The following MACROD2 variants were observed in gnomAD, a reference collection of about 807,000 sequenced individuals.
MACROD2 encodes mono-ADP ribosylhydrolase 2.
A neutral mutation model predicts 70.4 loss-of-function variants in MACROD2; 36 were observed. The observed-to-expected ratio is 0.51, with a 90% CI of 0.39 to 0.68. The LOEUF (loss-of-function observed/expected upper bound fraction) is 0.68. Ranked by LOEUF, MACROD2 falls within the 30% of genes least tolerant of loss-of-function variation. The pLI is 0.00. For synonymous variants in MACROD2, 172 were observed against 178.8 expected (o/e 0.96, Z 0.30); for missense variants, 496 against 538.4 (o/e 0.92, Z 0.78).
intron 5 of MACROD2, among the ~76,000 whole-genome samples, chr20:14,727,058 A>G (rs2071538925): frequency 6.6e-6 from 1 of 152,180 alleles, no homozygotes; most frequent in African/African-American, 2.4e-5. Context: ...TCTAAAGTGT[A>G]TACAATTTGT....
chr20:14,462,428 A>T (rs939552033), intron 3 of MACROD2, among the ~76,000 whole-genome samples: 2 of 151,952 alleles, frequency 1.3e-5, no homozygotes, highest in Non-Finnish European at 2.9e-5. Flanking sequence ...TAGATTCTGG[A>T]TATAAGCCCT....
chr20:15,447,045 A>AGTGTGT (rs1395417856), intron 7 of MACROD2, among the ~76,000 whole-genome samples: 1 of 120,260 alleles, frequency 8.3e-6, no homozygotes, highest in African/African-American at 3.1e-5. Context: ...GGGACCTAAG[A>AGTGTGT]GTGTGCGTGT....
intron 6 of MACROD2, among the ~76,000 whole-genome samples, chr20:15,400,715 G>T (rs892506788): frequency 6.6e-6 from 1 of 152,114 alleles, no homozygotes; most frequent in Non-Finnish European, 1.5e-5. Flanking sequence ...GGCTACCTTT[G>T]GTTATTCATC....
At chr20:14,101,559 G>A (rs138783529) in intron 3 of MACROD2, among the ~76,000 whole-genome samples, 1,933 of 152,210 alleles carry the variant, frequency 0.013, 40 homozygotes, top group African/African-American at 0.044. Flanking sequence ...ATTAGAGAGA[G>A]TTTGCCTGTT....
At chr20:14,510,100 G>A (rs1252211667) in intron 4 of MACROD2, among the ~76,000 whole-genome samples, 1 of 152,082 alleles carries the variant, frequency 6.6e-6, no homozygotes, top group East Asian at 1.9e-4. Flanking sequence ...TTAGGGTACA[G>A]ACTGATTCTC....
At chr20:14,377,528 C>T (rs932854447) in intron 3 of MACROD2, among the ~76,000 whole-genome samples, 1 of 151,296 alleles carries the variant, frequency 6.6e-6, no homozygotes, top group Non-Finnish European at 1.5e-5. Flanking sequence ...CTGTGCATCC[C>T]TCTTGGCTAC....
intron 8 of MACROD2, among the ~76,000 whole-genome samples, chr20:15,842,897 A>G (rs1600982934): frequency 6.6e-6 from 1 of 152,142 alleles, no homozygotes; most frequent in South Asian, 2.1e-4. Context: ...AAGCTAGGTG[A>G]TTAACTTTTT....
intron 5 of MACROD2, among the ~76,000 whole-genome samples, chr20:14,950,284 G>A (rs1335595591): frequency 6.6e-6 from 1 of 152,062 alleles, no homozygotes; most frequent in Non-Finnish European, 1.5e-5. Context: ...TGCAGACACT[G>A]GTTGTTCATT....
intron 6 of MACROD2, among the ~76,000 whole-genome samples, chr20:15,275,738 A>G (rs933824390): frequency 1.3e-5 from 2 of 152,160 alleles, no homozygotes; most frequent in African/African-American, 4.8e-5. Context: ...GCACAAAGCT[A>G]TATCTGGCAC....
At chr20:14,667,475 A>T (rs943608259) in intron 4 of MACROD2, among the ~76,000 whole-genome samples, 3 of 152,120 alleles carry the variant, frequency 2.0e-5, no homozygotes, top group Non-Finnish European at 4.4e-5. Context: ...TTTTTCTAGG[A>T]TGAGAAAGTT....
intron 5 of MACROD2, among the ~76,000 whole-genome samples, chr20:14,870,234 G>A (rs1334658960): frequency 6.6e-6 from 1 of 152,114 alleles, no homozygotes. Flanking sequence ...AGTTTGCTAA[G>A]GATAATGGCC....
chr20:14,679,657 A>AT (rs1381811923), intron 4 of MACROD2, among the ~76,000 whole-genome samples: 3 of 152,176 alleles, frequency 2.0e-5, no homozygotes, highest in African/African-American at 7.2e-5. Context: ...ATATAGGGGT[A>AT]TTACCTTTTT....
chr20:15,508,849 C>T (rs2047462276), intron 8 of MACROD2, among the ~76,000 whole-genome samples: 1 of 152,166 alleles, frequency 6.6e-6, no homozygotes, highest in Admixed American at 6.5e-5. Context: ...TTGAAGATGT[C>T]CCAGATTTGA....
intron 4 of MACROD2, among the ~76,000 whole-genome samples, chr20:14,625,740 C>T (rs1396051049): frequency 1.3e-5 from 2 of 152,162 alleles, no homozygotes; most frequent in African/African-American, 4.8e-5. Context: ...ATATCATCAG[C>T]CCCCAGGTAT....
At chr20:15,104,086 T>G (rs2075893184) in intron 5 of MACROD2, among the ~76,000 whole-genome samples, 1 of 151,850 alleles carries the variant, frequency 6.6e-6, no homozygotes, top group African/African-American at 2.4e-5. Flanking sequence ...GTTGAAATAG[T>G]GAAGAGAAAG....
At chr20:15,168,151 C>T (rs2076398137) in intron 5 of MACROD2, among the ~76,000 whole-genome samples, 1 of 152,062 alleles carries the variant, frequency 6.6e-6, no homozygotes. Context: ...TGCTCAAAGC[C>T]TGGAGGGACT....
chr20:14,229,809 T>A (rs998657389), intron 3 of MACROD2, among the ~76,000 whole-genome samples: 1 of 152,174 alleles, frequency 6.6e-6, no homozygotes, highest in South Asian at 2.1e-4. Context: ...AAGATGTCCT[T>A]CAGTGGAAAA....
At chr20:15,298,606 A>C (rs142966096) in intron 6 of MACROD2, among the ~76,000 whole-genome samples, 47 of 152,364 alleles carry the variant, frequency 3.1e-4, no homozygotes, top group African/African-American at 1.1e-3. Flanking sequence ...TGACTTTAAA[A>C]GACTTTGAAA....
Position 13,995,850 on chromosome 20 carries a change from G to GGGGGGGGGGGGGGGGGGGTT in MACROD2, c.46+41_46+42insGGGGGGGGGGGGGGGGGGTT. On this transcript the variant is annotated intron_variant, in intron 1 of 17. Transcript: ENST00000684519. The surrounding 1 kb of genome is among the most constrained non-coding windows in gnomAD (Gnocchi z 4.3). ...AGTCCTGGGGGTGCGGGCGGTGGGGGTTAGGGTGGGGGCGGGGGTCAGGCT... is the reference window on the plus strand; with the variant it reads ...AGTCCTGGGGGTGCGGGCGGTGGGGGGGGGGGGGGGGGGGGGGGTTTTAGGGTGGGGGCGGGGGTCAGGCT... 2.0e-6 allele frequency: 1 copy of GGGGGGGGGGGGGGGGGGGTT among 505,100 alleles called. No individual in the cohort carries two copies. Among genetic ancestry groups the GGGGGGGGGGGGGGGGGGGTT allele is most frequent in the Non-Finnish European group, 3.8e-6 (1 of 266,322 alleles). The allele number at this position is 505,100 out of a possible 1,614,324, so 31.3% of individuals were successfully genotyped here.
Sources: allele counts gnomAD v4.1 joint callset (sites outside exome capture counted in the v4.1 genomes callset), GRCh38; gene constraint gnomAD v4.1.1; non-coding constraint Gnocchi (gnomAD v3.1); transcripts MANE v1.5; gene names NCBI Gene and HGNC (gene_info 2026-07-23, HGNC 2026-07-21).